NID1: variants seen among roughly 807,000 people sequenced by gnomAD.
NID1 encodes nidogen 1, also known as nidogen-1.
Under a neutral mutation model 130.6 loss-of-function variants are expected in NID1, and 76 were observed. The ratio of observed to expected loss-of-function variants is 0.58; its 90% confidence interval spans 0.48 to 0.70. The LOEUF (loss-of-function observed/expected upper bound fraction) is 0.70. NID1 is among the 30% of genes least tolerant of loss of function. The pLI, the probability that NID1 is intolerant of heterozygous loss-of-function variation, is 0.00. For synonymous variants in NID1, 665 were observed against 675.1 expected (o/e 0.98, Z 0.23); for missense variants, 1,517 against 1,664.8 (o/e 0.91, Z 1.54).
At chr1:236,002,518 A>G (rs1031896339) in intron 12 of NID1, among the ~76,000 whole-genome samples, 1 of 150,164 alleles carries the variant, frequency 6.7e-6, no homozygotes, top group Non-Finnish European at 1.5e-5. Context: ...AAACAAACAA[A>G]CAAACAAACA....
At chr1:236,043,627 T>G (rs1410976546) in intron 3 of NID1, among the ~76,000 whole-genome samples, 1 of 151,836 alleles carries the variant, frequency 6.6e-6, no homozygotes, top group East Asian at 1.9e-4. Flanking sequence ...TGAAACCCCG[T>G]CTCTACTAAA....
At chr1:236,027,956 A>G (rs1016166665) in intron 7 of NID1, among the ~76,000 whole-genome samples, 2 of 152,194 alleles carry the variant, frequency 1.3e-5, no homozygotes, top group Non-Finnish European at 2.9e-5. Context: ...TGAGCAAGAC[A>G]CCATCTCAAA....
chr1:235,986,215 G>C (rs1657569550), intron 14 of NID1, among the ~76,000 whole-genome samples: 1 of 152,024 alleles, frequency 6.6e-6, no homozygotes, highest in Non-Finnish European at 1.5e-5. Flanking sequence ...ACTTGAAGGT[G>C]ATAAAGAAAA....
chr1:236,001,415 AT>A (rs1285892133), intron 12 of NID1, among the ~76,000 whole-genome samples: 1 of 151,824 alleles, frequency 6.6e-6, no homozygotes. Context: ...TGGCTTTGAG[AT>A]TTTGCTGGCT....
At chr1:236,051,499 C>A (rs1467028007) in intron 1 of NID1, among the ~76,000 whole-genome samples, 2 of 152,218 alleles carry the variant, frequency 1.3e-5, no homozygotes, top group Non-Finnish European at 2.9e-5. Context: ...ACAAAACTTT[C>A]TCTTTTAACC....
At chr1:236,064,748 G>A in intron 1 of NID1, 107 bp downstream of exon 1, 2 of 1,030,072 alleles carry the variant, frequency 1.9e-6, no homozygotes, top group Non-Finnish European at 2.7e-6. Context: ...CCGGCGGCCA[G>A]CGGGTCCGGG....
intron 15 of NID1, among the ~76,000 whole-genome samples, chr1:235,983,022 G>A (rs1051741106): frequency 1.4e-4 from 21 of 152,186 alleles, no homozygotes; most frequent in African/African-American, 4.8e-4. Context: ...TTACAGGTGC[G>A]TGCCACCATG....
chr1:236,008,663 G>A (rs1658321350), intron 12 of NID1, among the ~76,000 whole-genome samples: 1 of 149,914 alleles, frequency 6.7e-6, no homozygotes, highest in Non-Finnish European at 1.5e-5. Context: ...ACCACGCCCA[G>A]CTAATTTTTT....
chr1:236,014,999 T>A (rs952035075), intron 10 of NID1, among the ~76,000 whole-genome samples: 7 of 152,152 alleles, frequency 4.6e-5, no homozygotes, highest in Admixed American at 4.6e-4. Context: ...TCCACAAACA[T>A]CCCTTCCCCG....
rs1274749804 is a variant in NID1, at chr1:235,993,745, C to T, written c.2655G>A (p.Ala885=). ...VPECDAHGHY[A]PTQCHGSTGY... ...CGGTGCTGCCGTGGCACTGGGTGGG[C>T]GCGTAGTGCCCGTGCGCATCGCACT... Residue 885 remains alanine, a synonymous_variant, in exon 13 of 20, where the codon GCG becomes GCA. Transcript: ENST00000264187. 3 of 1,613,258 alleles carry T rather than the reference C, an allele frequency of 1.9e-6. No individual in the cohort carries two copies. The highest frequency in any genetic ancestry group is 1.3e-5 in the African/African-American group (1 of 74,932).
At chr1:236,011,306 CTTTT>C (rs60420534) in intron 12 of NID1, among the ~76,000 whole-genome samples, 4 of 100,112 alleles carry the variant, frequency 4.0e-5, no homozygotes, top group Non-Finnish European at 4.9e-5. Flanking sequence ...CTTTTTTTTT[CTTTT>C]TTTTTTTTTT....
At chr1:236,046,740 A>G (rs1659612952) in intron 2 of NID1, among the ~76,000 whole-genome samples, 1 of 143,234 alleles carries the variant, frequency 7.0e-6, no homozygotes, top group South Asian at 2.2e-4. Flanking sequence ...TTAGGCATTT[A>G]TCACCCAAGT....
intron 12 of NID1, among the ~76,000 whole-genome samples, chr1:236,001,155 G>T (rs1259956203): frequency 6.6e-6 from 1 of 150,986 alleles, no homozygotes; most frequent in Non-Finnish European, 1.5e-5. Flanking sequence ...GCCCGGCCTG[G>T]AGTGAAGTGG....
At chr1:236,030,188 C>G (rs1348010839) in intron 6 of NID1, among the ~76,000 whole-genome samples, 2 of 152,200 alleles carry the variant, frequency 1.3e-5, no homozygotes, top group Non-Finnish European at 2.9e-5. Context: ...ATTGAAATAG[C>G]TACGTCCTGG....
rs869312945 is a variant in NID1 at position 236,029,648 on chromosome 1, G to A, written c.1640C>T (p.Thr547Ile). Residue 547 changes from threonine (T) to isoleucine (I), a missense_variant, in exon 7 of 20, where the codon ACC (threonine) becomes ATC (isoleucine). Coordinates refer to ENST00000264187, the MANE Select transcript of NID1 (RefSeq NM_002508.3). ...GCGGCCCTCCAGCTCCGTGTCGATGGTCAGGTGCCCATGCTCATCGATGCC... is the reference window on the plus strand; with the variant it reads ...GCGGCCCTCCAGCTCCGTGTCGATGATCAGGTGCCCATGCTCATCGATGCC... ...FSGIDEHGHL[T>I]IDTELEGRVP... 1 of 1,613,590 alleles carries A rather than the reference G, an allele frequency of 6.2e-7. No homozygotes were observed. The highest frequency in any genetic ancestry group is 1.7e-5 in the Admixed American group (1 of 59,946).
At chr1:235,986,721 C>A (rs1403782153) in intron 14 of NID1, among the ~76,000 whole-genome samples, 1 of 152,152 alleles carries the variant, frequency 6.6e-6, no homozygotes, top group Non-Finnish European at 1.5e-5. Flanking sequence ...CTGGGCCTCC[C>A]AAAGTCCTGA....
chr1:236,053,695 T>C (rs1242205463), intron 1 of NID1, among the ~76,000 whole-genome samples: 1 of 152,182 alleles, frequency 6.6e-6, no homozygotes, highest in Admixed American at 6.5e-5. Context: ...ACTCCATTTG[T>C]CTTGGTCACC....
chr1:236,017,841 T>C (rs972452622), intron 9 of NID1, among the ~76,000 whole-genome samples: 16 of 152,204 alleles, frequency 1.1e-4, no homozygotes, highest in African/African-American at 3.9e-4. Context: ...TGAACACGAG[T>C]CTTTCCCATT....
intron 1 of NID1, among the ~76,000 whole-genome samples, chr1:236,054,938 G>A (rs933512556): frequency 7.2e-5 from 11 of 151,964 alleles, no homozygotes; most frequent in African/African-American, 2.2e-4. Flanking sequence ...CACTGTGCTC[G>A]GCCTAAAGAG....
Sources: gnomAD v4.1 joint callset for allele counts (sites outside exome capture counted in the v4.1 genomes callset) on GRCh38, gnomAD v4.1.1 for gene constraint, MANE v1.5 for transcripts, NCBI Gene and HGNC (gene_info 2026-07-23, HGNC 2026-07-21) for gene names.